CSMD1: variants seen among roughly 807,000 people sequenced by gnomAD.
CSMD1 encodes CUB and Sushi multiple domains 1.
CSMD1 carries 213 observed loss-of-function variants against 417.5 expected under a neutral mutation model. The ratio of observed to expected loss-of-function variants is 0.51; its 90% CI spans 0.46 to 0.57. The LOEUF (loss-of-function observed/expected upper bound fraction) is 0.57. CSMD1 is among the 20% of genes least tolerant of loss of function. The probability of loss-of-function intolerance (pLI) is 0.00; values close to 1 mark genes in which losing one functional copy is unlikely to be tolerated. For synonymous variants in CSMD1, 2,862 were observed against 1,736.8 expected (o/e 1.65, Z -16.11); for missense variants, 6,923 against 4,529.7 (o/e 1.53, Z -15.17).
At chr8:4,455,792 G>A (rs1031472016) in intron 2 of CSMD1, among the ~76,000 whole-genome samples, 41 of 151,328 alleles carry the variant, frequency 2.7e-4, no homozygotes, top group Admixed American at 5.9e-4. Context: ...TTCGCTGGAT[G>A]TGGTGGCATG....
At chr8:4,461,480 GA>G (rs563603570) in intron 2 of CSMD1, among the ~76,000 whole-genome samples, 12 of 134,594 alleles carry the variant, frequency 8.9e-5, no homozygotes, top group South Asian at 4.8e-4. Context: ...AAAACTATTA[GA>G]ATTTAAGAAC....
intron 50 of CSMD1, among the ~76,000 whole-genome samples, chr8:3,042,264 C>A (rs939568973): frequency 5.3e-5 from 8 of 152,094 alleles, no homozygotes; most frequent in Non-Finnish European, 1.0e-4. Flanking sequence ...ACCCTCCTAT[C>A]TAGCACAGAG....
At chr8:4,248,777 A>G (rs1435435257) in intron 3 of CSMD1, among the ~76,000 whole-genome samples, 1 of 152,140 alleles carries the variant, frequency 6.6e-6, no homozygotes, top group Non-Finnish European at 1.5e-5. Context: ...GTTTACTGTC[A>G]GTTTTCCTCC....
At chr8:4,854,844 C>T (rs112855099) in intron 1 of CSMD1, among the ~76,000 whole-genome samples, 38,705 of 152,090 alleles carry the variant, frequency 0.25, 5,437 homozygotes, top group Non-Finnish European at 0.32. Context: ...GGGAGGGGCG[C>T]CCGCCATTGC....
chr8:3,694,879 C>G (rs924361551), intron 7 of CSMD1, among the ~76,000 whole-genome samples: 3 of 151,996 alleles, frequency 2.0e-5, no homozygotes, highest in African/African-American at 4.8e-5. Flanking sequence ...TAGAAACCTG[C>G]TGGATTCATT....
chr8:3,489,405 C>T (rs955067875), intron 11 of CSMD1, among the ~76,000 whole-genome samples: 4 of 152,280 alleles, frequency 2.6e-5, no homozygotes, highest in Admixed American at 6.5e-5. Context: ...ACCCACAGAA[C>T]GTCCTGAATT....
intron 2 of CSMD1, among the ~76,000 whole-genome samples, chr8:4,445,721 G>A (rs759217767): frequency 7.2e-5 from 11 of 152,262 alleles, no homozygotes; most frequent in South Asian, 6.2e-4. Context: ...ATTTGGGGGC[G>A]TAACGTTGCA....
At chr8:4,788,877 G>T (rs76597867) in intron 1 of CSMD1, among the ~76,000 whole-genome samples, 7,533 of 152,204 alleles carry the variant, frequency 0.049, 197 homozygotes, top group Non-Finnish European at 0.06. Context: ...TGACTCCAGG[G>T]CAGGCACATG....
At chr8:3,773,193 T>G (rs1266855637) in intron 5 of CSMD1, among the ~76,000 whole-genome samples, 1 of 152,212 alleles carries the variant, frequency 6.6e-6, no homozygotes, top group East Asian at 1.9e-4. Context: ...CACTGACATT[T>G]AGACGATGGC....
chr8:3,219,369 T>G lies in CSMD1; in HGVS notation c.4558A>C (p.Ser1520Arg). ...GEDSNSPLIG[S>R]YQGSQAPERI... ...TCTGGGGCCTGAGAGCCCTGGTAAC[T>G]CCCAATGAGGGGGCTGTTGGAATCT... Residue 1520 changes from serine to arginine, a missense_variant, in exon 29 of 70, where the codon AGT becomes CGT. Transcript: ENST00000635120. 6.4e-7 allele frequency: 1 copy of G among 1,571,356 alleles called. No individual in the cohort carries two copies. Among genetic ancestry groups the G allele is most frequent in the Non-Finnish European group, 8.6e-7 (1 of 1,157,586 alleles).
intron 5 of CSMD1, among the ~76,000 whole-genome samples, chr8:3,890,351 G>T (rs767077555): frequency 2.0e-5 from 3 of 152,068 alleles, no homozygotes; most frequent in Non-Finnish European, 4.4e-5. Flanking sequence ...CACTGGGCAG[G>T]GTTTACTACT....
chr8:4,855,326 GA>G (rs1287501875), intron 1 of CSMD1, among the ~76,000 whole-genome samples: 4 of 152,062 alleles, frequency 2.6e-5, no homozygotes, highest in Non-Finnish European at 5.9e-5. Flanking sequence ...AAACAGAACA[GA>G]AAAACTGGAA....
At chr8:4,332,010 C>G (rs919645910) in intron 3 of CSMD1, among the ~76,000 whole-genome samples, 2 of 152,126 alleles carry the variant, frequency 1.3e-5, no homozygotes, top group Non-Finnish European at 2.9e-5. Flanking sequence ...GTAATTTACT[C>G]AAACCCACAA....
chr8:4,345,741 A>G (rs965896018), intron 3 of CSMD1, among the ~76,000 whole-genome samples: 2 of 152,104 alleles, frequency 1.3e-5, no homozygotes, highest in Admixed American at 6.6e-5. Context: ...AATGCAAATC[A>G]GAACTATAAT....
At position 4,513,744 on chromosome 8, in the gene CSMD1, G is replaced by C. The variant is rs532121610; in HGVS notation, c.303-93679C>G. On this transcript the variant is annotated intron_variant, in intron 2 of 69. Coordinates refer to ENST00000635120, the MANE Select transcript of CSMD1 (RefSeq NM_033225.6). ...ACACACACATAAACTTGCTACTTTG[G>C]CAAAAATACATAAATTTCGATGAAA... Among the ~76,000 whole-genome samples the C allele has an allele frequency of 1.3e-4, 20 of 152,212 alleles. No individual in the cohort carries two copies. The East Asian group carries it at 3.9e-3, about 29-fold the overall frequency.
intron 26 of CSMD1, among the ~76,000 whole-genome samples, chr8:3,246,374 G>T (rs898570136): frequency 3.9e-5 from 6 of 152,132 alleles, no homozygotes; most frequent in African/African-American, 1.4e-4. Flanking sequence ...ACCCTGAAAT[G>T]CCAGTTTCTC....
chr8:4,924,134 A>G (rs959675806), intron 1 of CSMD1, among the ~76,000 whole-genome samples: 1 of 152,204 alleles, frequency 6.6e-6, no homozygotes, highest in Admixed American at 6.5e-5. Flanking sequence ...CAGGCTCACA[A>G]ATAAACATCC....
chr8:3,565,649 G>C (rs1242259443), intron 10 of CSMD1, among the ~76,000 whole-genome samples: 1 of 152,130 alleles, frequency 6.6e-6, no homozygotes, highest in Admixed American at 6.5e-5. Flanking sequence ...AGAAGTTAAA[G>C]CTCCTTCCCT....
intron 3 of CSMD1, among the ~76,000 whole-genome samples, chr8:4,187,301 G>A (rs931596867): frequency 6.6e-6 from 1 of 152,124 alleles, no homozygotes; most frequent in Non-Finnish European, 1.5e-5. Context: ...TCAGTCATAG[G>A]AAAGGACAAC....
Sources: gnomAD v4.1 joint callset for allele counts (sites outside exome capture counted in the v4.1 genomes callset) on GRCh38, gnomAD v4.1.1 for gene constraint, MANE v1.5 for transcripts, NCBI Gene and HGNC (gene_info 2026-07-23, HGNC 2026-07-21) for gene names.